MCTP1: variants seen among roughly 807,000 people sequenced by gnomAD.
The protein encoded by MCTP1 is multiple C2 and transmembrane domain containing 1, also known as multiple C2 and transmembrane domain-containing protein 1.
In MCTP1, 69 loss-of-function variants were observed where a neutral mutation model predicts 120.6. The ratio of observed to expected loss-of-function variants is 0.57; its 90% CI spans 0.47 to 0.70. The LOEUF is 0.70. Ranked by LOEUF, MCTP1 falls within the 30% of genes least tolerant of loss-of-function variation. MCTP1 has a pLI of 0.00. For synonymous variants in MCTP1, 529 were observed against 493.1 expected (o/e 1.07, Z -0.96); for missense variants, 1,203 against 1,248.8 (o/e 0.96, Z 0.55).
chr5:94,903,921 T>C (rs1806154020), intron 10 of MCTP1, among the ~76,000 whole-genome samples: 2 of 152,192 alleles, frequency 1.3e-5, no homozygotes, highest in South Asian at 4.1e-4. Flanking sequence ...TCTTGGCAAT[T>C]TACCACAGCT....
chr5:94,723,805 C>A (rs924863219), intron 19 of MCTP1, among the ~76,000 whole-genome samples: 1 of 151,416 alleles, frequency 6.6e-6, no homozygotes, highest in South Asian at 2.1e-4. Context: ...ACAATGCAAA[C>A]AACAGGCATT....
At chr5:95,251,105 A>G (rs866379599) in intron 1 of MCTP1, among the ~76,000 whole-genome samples, 1 of 152,264 alleles carries the variant, frequency 6.6e-6, no homozygotes, top group Middle Eastern at 3.4e-3. Context: ...GGACAGAGAC[A>G]AGTGCTATAA....
intron 2 of MCTP1, among the ~76,000 whole-genome samples, chr5:94,999,577 C>T (rs1456082975): frequency 1.1e-4 from 17 of 152,074 alleles, no homozygotes; most frequent in Admixed American, 9.8e-4. Flanking sequence ...TTTTTCATGG[C>T]AATACAGTTA....
At chr5:95,113,688 T>C (rs758898304) in intron 1 of MCTP1, among the ~76,000 whole-genome samples, 4 of 152,140 alleles carry the variant, frequency 2.6e-5, no homozygotes, top group Non-Finnish European at 4.4e-5. Flanking sequence ...GGACTCTAAA[T>C]AAACTTGAAA....
At chr5:95,101,912 T>G (rs1351001322) in intron 1 of MCTP1, among the ~76,000 whole-genome samples, 2 of 152,204 alleles carry the variant, frequency 1.3e-5, no homozygotes, top group Non-Finnish European at 2.9e-5. Context: ...TTTGCAACCT[T>G]ACAAGTAATA....
intron 1 of MCTP1, among the ~76,000 whole-genome samples, chr5:95,208,171 C>A (rs1050435431): frequency 6.6e-6 from 1 of 152,158 alleles, no homozygotes; most frequent in Non-Finnish European, 1.5e-5. Context: ...CTCACTGCAA[C>A]CTCCACCTCC....
rs748427463 is a variant in MCTP1, at chr5:95,284,022, C to G, written c.554G>C (p.Arg185Pro). ...CAAGTGCGCCCCGGGGCCCTGACGC[C>G]GTGCACCCTCATCTCGGGCGCGGTC... The part of the protein sequence containing the change: ...RGDRARDEGA[R>P]RQGPGAHLCH... Residue 185 changes from arginine (R) to proline (P), a missense_variant, in exon 1 of 23, where the codon CGG (arginine) becomes CCG (proline). Physicochemically the swap from Arg to Pro is moderately radical, Grantham distance 103. Coordinates refer to ENST00000515393, the MANE Select transcript of MCTP1 (RefSeq NM_024717.7). The surrounding 1 kb of genome is among the most constrained non-coding windows in gnomAD (Gnocchi z 5.2). The G allele has an allele frequency of 3.3e-6, 5 of 1,498,320 alleles. No homozygotes were observed. The highest frequency in any genetic ancestry group is 4.4e-6 in the Non-Finnish European group (5 of 1,126,846). The allele number at this position is 1,498,320 out of a possible 1,614,324, so 92.8% of individuals were successfully genotyped here. A position where few individuals can be genotyped will look rare whatever the true frequency, so the allele number is the denominator to read the frequency against.
intron 19 of MCTP1, among the ~76,000 whole-genome samples, chr5:94,733,658 A>C (rs961699161): frequency 5.3e-5 from 8 of 151,994 alleles, no homozygotes; most frequent in African/African-American, 1.7e-4. Flanking sequence ...AATCACATCT[A>C]ATGTTACAGA....
chr5:94,841,641 TATAG>T (rs1791073129), intron 17 of MCTP1, among the ~76,000 whole-genome samples: 1 of 152,210 alleles, frequency 6.6e-6, no homozygotes, highest in African/African-American at 2.4e-5. Context: ...TATATACATA[TATAG>T]ATACATTTTT....
chr5:94,819,215 G>T (rs1785135900), intron 17 of MCTP1, among the ~76,000 whole-genome samples: 1 of 151,894 alleles, frequency 6.6e-6, no homozygotes, highest in South Asian at 2.1e-4. Context: ...TGAAACCTCT[G>T]CCTCCTGGGT....
At chr5:95,247,076 T>C (rs1184962765) in intron 1 of MCTP1, among the ~76,000 whole-genome samples, 1 of 152,204 alleles carries the variant, frequency 6.6e-6, no homozygotes, top group African/African-American at 2.4e-5. Flanking sequence ...AGATCTGTTA[T>C]TGGTCTATTA....
intron 2 of MCTP1, among the ~76,000 whole-genome samples, chr5:94,968,840 T>C (rs1826161677): frequency 6.6e-6 from 1 of 152,194 alleles, no homozygotes; most frequent in Non-Finnish European, 1.5e-5. Flanking sequence ...TTACTTTCAT[T>C]GACATACTTT....
At chr5:94,952,171 C>CAAAAAAAAAAAAAAAAAAAAAAAAAA (rs57358026) in intron 3 of MCTP1, among the ~76,000 whole-genome samples, 2 of 87,890 alleles carry the variant, frequency 2.3e-5, no homozygotes, top group African/African-American at 4.5e-5. Flanking sequence ...GACTTTGTCG[C>CAAAAAAAAAAAAAAAAAAAAAAAAAA]AAAAAAAAAA....
Position 94,967,821 on chromosome 5 carries a change from C to T in MCTP1, c.839-14460G>A, listed in dbSNP as rs541842738. ...TTAGCACAGGAAAAACAGATCCAGG[C>T]GAACAACTCTTGGTAGTTCGTCATC... is the stretch of plus-strand genomic sequence containing the variant. On this transcript the variant is annotated intron_variant, in intron 2 of 22. Coordinates refer to ENST00000515393, the MANE Select transcript of MCTP1 (RefSeq NM_024717.7). 1.4e-4 allele frequency among the ~76,000 whole-genome samples: 21 copies of T among 152,282 alleles called. No homozygotes were observed. The South Asian group carries it at 1.7e-3, about 12-fold the overall frequency.
In MCTP1 at chr5:95,183,834, A is replaced by T. The variant is rs192771356; in HGVS notation, c.720+100022T>A. 5.3e-5 allele frequency among the ~76,000 whole-genome samples: 8 copies of T among 152,350 alleles called. No individual in the cohort carries two copies. In the East Asian group the frequency reaches 9.6e-4, roughly 18 times the overall value. On this transcript the variant is annotated intron_variant, in intron 1 of 22. Coordinates refer to ENST00000515393, the MANE Select transcript of MCTP1 (RefSeq NM_024717.7). ...GAAATTAATCAGACTGACAATACCA[A>T]AGAAGGGTGAAGAGCAACTGAAACT...
intron 19 of MCTP1, among the ~76,000 whole-genome samples, chr5:94,731,209 G>T (rs1158042518): frequency 6.6e-6 from 1 of 152,118 alleles, no homozygotes; most frequent in Non-Finnish European, 1.5e-5. Context: ...ATTTAGGATT[G>T]TTTTGGGTCT....
chr5:95,054,379 T>G (rs1334771971), intron 1 of MCTP1, among the ~76,000 whole-genome samples: 1 of 152,252 alleles, frequency 6.6e-6, no homozygotes, highest in African/African-American at 2.4e-5. Flanking sequence ...TAAACTATGA[T>G]TCAATTTAGC....
At chr5:94,835,297 C>A (rs75237822) in intron 17 of MCTP1, among the ~76,000 whole-genome samples, 2,761 of 152,228 alleles carry the variant, frequency 0.018, 87 homozygotes, top group African/African-American at 0.064. Context: ...CAGTTATAAA[C>A]CCTTTTCTTG....
At chr5:94,874,147 A>C (rs763507294) in intron 12 of MCTP1, among the ~76,000 whole-genome samples, 1 of 152,104 alleles carries the variant, frequency 6.6e-6, no homozygotes, top group Non-Finnish European at 1.5e-5. Flanking sequence ...AGCTGTCCAG[A>C]GGTCATATCT....
Sources: allele counts gnomAD v4.1 joint callset (sites outside exome capture counted in the v4.1 genomes callset), GRCh38; gene constraint gnomAD v4.1.1; non-coding constraint Gnocchi (gnomAD v3.1); transcripts MANE v1.5; gene names NCBI Gene and HGNC (gene_info 2026-07-23, HGNC 2026-07-21).